The following GOLGA3 variants were observed in gnomAD, a reference collection of about 807,000 sequenced individuals.
GOLGA3 encodes the protein golgin A3.
In GOLGA3, 75 loss-of-function variants were observed where a neutral mutation model predicts 169.4. That is an observed-to-expected ratio of 0.44 (90% CI 0.37 to 0.54). The LOEUF is 0.54. GOLGA3 is among the 20% of genes least tolerant of loss of function. The pLI, the probability that GOLGA3 is intolerant of heterozygous loss-of-function variation, is 0.00. For synonymous variants in GOLGA3, 824 were observed against 822.4 expected (o/e 1.00, Z -0.03); for missense variants, 1,899 against 1,930.0 (o/e 0.98, Z 0.30).
intron 2 of GOLGA3, among the ~76,000 whole-genome samples, 172 bp downstream of exon 2, chr12:132,821,824 A>C (rs528998796): frequency 1.4e-4 from 19 of 138,754 alleles, no homozygotes; most frequent in African/African-American, 4.6e-4. Flanking sequence ...ACTGCAGTCC[A>C]GCCTGGGCGA....
At chr12:132,813,649 G>T (rs1949820589) in intron 3 of GOLGA3, among the ~76,000 whole-genome samples, 2 of 152,024 alleles carry the variant, frequency 1.3e-5, no homozygotes, top group African/African-American at 4.8e-5. Context: ...CAGGCACTGG[G>T]TCTGTGATCC....
rs773914150 is a variant in GOLGA3, at chr12:132,816,644, T to C, written c.302A>G (p.His101Arg). ...TCCCTGAGACTTCCTTAGGTTGTCATGGAAACCAGCCACACCTGGAGAGGC... is the reference window on the plus strand; with the variant it reads ...TCCCTGAGACTTCCTTAGGTTGTCACGGAAACCAGCCACACCTGGAGAGGC... Reference protein sequence around the residue: ...PDASPGVAGFHDNLRKSQGTS... With the variant: ...PDASPGVAGFRDNLRKSQGTS... The change falls in exon 3 of 24, where the codon CAT becomes CGT. Residue 101 changes from histidine (H) to arginine (R), a missense_variant. By Grantham distance (29) the His-to-Arg change is conservative. Coordinates refer to ENST00000450791, the MANE Select transcript of GOLGA3 (RefSeq NM_001389683.1). 3 of 1,614,152 alleles carry C rather than the reference T, an allele frequency of 1.9e-6. No individual in the cohort carries two copies. Among genetic ancestry groups the C allele is most frequent in the Admixed American group, 1.7e-5 (1 of 60,028 alleles).
intron 7 of GOLGA3, among the ~76,000 whole-genome samples, chr12:132,802,734 C>T (rs1213991816): frequency 2.0e-5 from 3 of 152,146 alleles, no homozygotes; most frequent in Admixed American, 1.3e-4. Context: ...CCATGAAACA[C>T]CTCACATCCT....
intron 6 of GOLGA3, 31 bp from the exon 7 acceptor site, chr12:132,805,053 T>C (rs1189723855): frequency 6.3e-7 from 1 of 1,589,226 alleles, no homozygotes; most frequent in Admixed American, 1.7e-5. Flanking sequence ...ACAATGATTT[T>C]AAGAAAACGA....
At chr12:132,780,729 A>G in intron 18 of GOLGA3, 69 bp downstream of exon 18, 1 of 947,236 alleles carries the variant, frequency 1.1e-6, no homozygotes. Flanking sequence ...TGTGTGAAGG[A>G]CCCTGCATAG....
chr12:132,787,170 T>A (rs966452107), intron 13 of GOLGA3, among the ~76,000 whole-genome samples: 3 of 152,074 alleles, frequency 2.0e-5, no homozygotes, highest in African/African-American at 7.2e-5. Flanking sequence ...GTCAGGCTAG[T>A]CTTGAACTCC....
At chr12:132,822,683 G>A (rs1950265123) in intron 1 of GOLGA3, among the ~76,000 whole-genome samples, 1 of 152,212 alleles carries the variant, frequency 6.6e-6, no homozygotes, top group Non-Finnish European at 1.5e-5. Context: ...CACTTTGGGA[G>A]GCCGAGGCAG....
intron 15 of GOLGA3, among the ~76,000 whole-genome samples, chr12:132,784,776 CCA>C (rs1452365967): frequency 2.2e-5 from 3 of 135,944 alleles, no homozygotes; most frequent in Admixed American, 1.6e-4. Flanking sequence ...ACACCCCACA[CCA>C]CACATGCACA....
chr12:132,808,264 T>A lies in GOLGA3; in HGVS notation c.805A>T (p.Thr269Ser), dbSNP rs1373003667. The A allele has an allele frequency of 6.2e-7, 1 of 1,614,076 alleles. No homozygotes were observed. Among genetic ancestry groups the A allele is most frequent in the South Asian group, 1.1e-5 (1 of 91,084 alleles). Residue 269 changes from threonine to serine, a missense_variant, in exon 5 of 24, where the codon ACC (threonine) becomes TCC (serine). By Grantham distance (58) the Thr-to-Ser change is moderately conservative. Coordinates refer to ENST00000450791, the MANE Select transcript of GOLGA3 (RefSeq NM_001389683.1). ...CTGTTCTGCTTCAGGGAACCCTTGG[T>A]AGAATCGGGAGCCGGGACATTTCCC... Reference protein sequence around the residue: ...SGGNVPAPDSTKGSLKQNRSS... With the variant: ...SGGNVPAPDSSKGSLKQNRSS...
intron 2 of GOLGA3, among the ~76,000 whole-genome samples, chr12:132,818,425 A>G (rs1469422148): frequency 6.6e-6 from 1 of 152,106 alleles, no homozygotes; most frequent in African/African-American, 2.4e-5. Flanking sequence ...ACACCTGGCT[A>G]ATTTTTGGTC....
At position 132,775,143 on chromosome 12, in the gene GOLGA3, T is replaced by C; in HGVS notation, c.4141A>G (p.Thr1381Ala). The change falls in exon 22 of 24, where the codon ACG becomes GCG. Residue 1381 changes from threonine to alanine, a missense_variant and splice_region_variant. Physicochemically the swap from Thr to Ala is moderately conservative, Grantham distance 58. Coordinates refer to ENST00000450791, the MANE Select transcript of GOLGA3 (RefSeq NM_001389683.1). ...KLDLRRGAAK[T>A]RKEPKGEASS... is the part of the protein sequence containing the mutation. ...GGGAGGGACGCGGGCCTGAGTACCG[T>C]CTTGGCCGCGCCGCGGCGTAGGTCC... is the stretch of plus-strand genomic sequence containing the variant. 1 of 1,613,050 alleles carries C rather than the reference T, an allele frequency of 6.2e-7. No homozygotes were observed. The highest frequency in any genetic ancestry group is 8.5e-7 in the Non-Finnish European group (1 of 1,179,948).
Position 132,822,304 on chromosome 12 carries a change from C to A in GOLGA3, c.-176G>T. The A allele has an allele frequency of 2.2e-6, 3 of 1,354,140 alleles. No individual in the cohort carries two copies. Among genetic ancestry groups the A allele is most frequent in the African/African-American group, 1.5e-5 (1 of 65,160 alleles). The allele number at this position is 1,354,140 out of a possible 1,614,324, so 83.9% of individuals were successfully genotyped here. ...GACTTGATGTCAAACCAGCTAATAT[C>A]ATGATACCTGACAGGAGAGAGAGAC... On this transcript the variant is annotated 5_prime_UTR_variant, in exon 2 of 24. An upstream start codon of the reference 5' UTR is lost. Transcript: ENST00000450791.
chr12:132,816,862 C>T (rs777262075), intron 2 of GOLGA3, 50 bp from the exon 3 acceptor site: 50 of 1,501,744 alleles, frequency 3.3e-5, no homozygotes, highest in Middle Eastern at 1.8e-4. Flanking sequence ...AACAAGGTGA[C>T]GTCGCTTTTC....
intron 13 of GOLGA3, among the ~76,000 whole-genome samples, chr12:132,787,951 T>G (rs1178255012): frequency 3.3e-5 from 5 of 151,478 alleles, no homozygotes; most frequent in African/African-American, 1.2e-4. Flanking sequence ...GGATCAACTG[T>G]GAACACTGAG....
At position 132,805,749 on chromosome 12, in the gene GOLGA3, G is replaced by A. The variant is rs562078707; in HGVS notation, c.1291-727C>T. Among the ~76,000 whole-genome samples, 29 of 152,354 alleles carry A rather than the reference G, an allele frequency of 1.9e-4. No homozygotes were observed. The South Asian group carries it at 2.7e-3, about 14-fold the overall frequency. ...CCCAACTGCACCTGCACAGGGCAGC[G>A]CTAGGGCAGGGCTGGGGAAGCACCC... On this transcript the variant is annotated intron_variant, in intron 6 of 23. Coordinates refer to ENST00000450791, the MANE Select transcript of GOLGA3 (RefSeq NM_001389683.1).
chr12:132,790,195 G>T (rs563842579), intron 12 of GOLGA3, among the ~76,000 whole-genome samples: 1 of 152,114 alleles, frequency 6.6e-6, no homozygotes, highest in Non-Finnish European at 1.5e-5. Context: ...TTAGTCGGGC[G>T]TGGTGGCCGG....
chr12:132,792,610 C>T (rs540322642), intron 11 of GOLGA3, among the ~76,000 whole-genome samples: 4 of 151,026 alleles, frequency 2.6e-5, no homozygotes, highest in African/African-American at 4.9e-5. Context: ...ACCCACCCCA[C>T]GGGACCTGCA....
chr12:132,829,013 G>A (rs990955455), upstream of GOLGA3, among the ~76,000 whole-genome samples: 17 of 152,260 alleles, frequency 1.1e-4, no homozygotes, highest in African/African-American at 3.9e-4. Context: ...TCCGGATCGA[G>A]CTCACCTCCG....
At position 132,784,205 on chromosome 12, in the gene GOLGA3, G is replaced by T. The variant is rs774134628; in HGVS notation, c.3226C>A (p.Leu1076Met). The change falls in exon 16 of 24, where the codon CTG (leucine) becomes ATG (methionine). Residue 1076 changes from leucine (L) to methionine (M), a missense_variant. Leu to Met is a conservative substitution (Grantham distance 15). Coordinates refer to ENST00000450791, the MANE Select transcript of GOLGA3 (RefSeq NM_001389683.1). ...QEVIALTSQE[L>M]EESREKVLEL... is the part of the protein sequence containing the mutation. ...AGCACCTTCTCCCGGGACTCCTCCAGCTCCTGGCTGGTCAGCGCTATGACC... is the reference window on the plus strand; with the variant it reads ...AGCACCTTCTCCCGGGACTCCTCCATCTCCTGGCTGGTCAGCGCTATGACC... 12 of 1,610,512 alleles carry T rather than the reference G, an allele frequency of 7.5e-6. No individual in the cohort carries two copies. The highest frequency in any genetic ancestry group is 1.0e-5 in the Non-Finnish European group (12 of 1,180,004).
Sources: allele counts gnomAD v4.1 joint callset (sites outside exome capture counted in the v4.1 genomes callset), GRCh38; gene constraint gnomAD v4.1.1; transcripts MANE v1.5; gene names NCBI Gene and HGNC (gene_info 2026-07-23, HGNC 2026-07-21).